VWF: variants seen among roughly 807,000 people sequenced by gnomAD.
VWF encodes the protein von Willebrand factor, also known as Factor VIII related antigen.
A neutral mutation model predicts 308.6 loss-of-function variants in VWF; 176 were observed. The ratio of observed to expected loss-of-function variants is 0.57; its 90% CI spans 0.50 to 0.65. The LOEUF is 0.65. Among genes scored for constraint, VWF ranks in the 30% least tolerant of loss-of-function variants. The pLI is 0.00. For missense variants in VWF, 3,146 were observed against 3,648.2 expected (o/e 0.86, Z 3.55); for synonymous variants, 1,385 against 1,443.4 (o/e 0.96, Z 0.92).
chr12:6,069,620 G>A lies in VWF; in HGVS notation c.1156+1677C>T, dbSNP rs145414800. 3.1e-3 allele frequency among the ~76,000 whole-genome samples: 476 copies of A among 152,318 alleles called. 1 individual carries two copies. The highest frequency in any genetic ancestry group is 6.4e-3 in the South Asian group (31 of 4,826). On this transcript the variant is annotated intron_variant, in intron 10 of 51. Coordinates refer to ENST00000261405, the MANE Select transcript of VWF (RefSeq NM_000552.5). ...TTGTGTGCGTGGGTGCAAATGGACCGGGAGGCGATGATCAACAAAACTCCC... is the reference window on the plus strand; with the variant it reads ...TTGTGTGCGTGGGTGCAAATGGACCAGGAGGCGATGATCAACAAAACTCCC...
At position 6,103,545 on chromosome 12, in the gene VWF, T is replaced by TACACAC. The variant is rs139889348; in HGVS notation, c.532+6823_532+6828dup. Among the ~76,000 whole-genome samples the TACACAC allele has an allele frequency of 2.7e-4, 33 of 124,202 alleles. 1 individual carries two copies. Among genetic ancestry groups the TACACAC allele is most frequent in the Admixed American group, 1.0e-3 (13 of 12,876 alleles). The allele number at this position is 124,202 out of a possible 152,430, so 81.5% of individuals were successfully genotyped here. On this transcript the variant is annotated intron_variant, in intron 5 of 51. Coordinates refer to ENST00000261405, the MANE Select transcript of VWF (RefSeq NM_000552.5). ...ATATGTGTATATACACATATATGTA[T>TACACAC]ACACACACACACACACACACACACA...
intron 49 of VWF, 122 bp downstream of exon 49, chr12:5,952,269 A>C: frequency 1.5e-6 from 2 of 1,365,114 alleles, no homozygotes; most frequent in South Asian, 2.4e-5. Context: ...TGATTCTTCA[A>C]CTAGGCCAGA....
At chr12:5,969,540 G>C (rs1943445982) in intron 44 of VWF, 149 bp from the exon 45 acceptor site, 1 of 883,966 alleles carries the variant, frequency 1.1e-6, no homozygotes, top group Non-Finnish European at 1.7e-6. Flanking sequence ...GGCCCACGGA[G>C]GGGATGAGTG....
chr12:5,976,653 G>A (rs990521850), intron 42 of VWF, among the ~76,000 whole-genome samples: 8 of 151,732 alleles, frequency 5.3e-5, no homozygotes, highest in Non-Finnish European at 8.8e-5. Flanking sequence ...CATCCTCATC[G>A]AGCCCTCTGC....
At chr12:6,005,864 G>A (rs1314676988) in intron 34 of VWF, among the ~76,000 whole-genome samples, 1 of 152,158 alleles carries the variant, frequency 6.6e-6, no homozygotes, top group Admixed American at 6.5e-5. Context: ...AAATGCTAAA[G>A]GGAGTCCATC....
intron 2 of VWF, among the ~76,000 whole-genome samples, chr12:6,121,708 A>C (rs1394095517): frequency 6.6e-6 from 1 of 152,198 alleles, no homozygotes; most frequent in East Asian, 1.9e-4. Flanking sequence ...AGGTGGGCAG[A>C]TCACCTGAGG....
chr12:6,113,193 C>T (rs1175081926), intron 3 of VWF, among the ~76,000 whole-genome samples: 1 of 151,952 alleles, frequency 6.6e-6, no homozygotes, highest in Non-Finnish European at 1.5e-5. Flanking sequence ...CCACCTAGAA[C>T]AGTTTTTACA....
At chr12:6,098,554 G>A (rs926102840) in intron 5 of VWF, among the ~76,000 whole-genome samples, 17 of 152,092 alleles carry the variant, frequency 1.1e-4, no homozygotes, top group Admixed American at 3.3e-4. Context: ...CGAGGCGGGC[G>A]GATCACGAGG....
intron 42 of VWF, among the ~76,000 whole-genome samples, chr12:5,977,825 G>A (rs749888525): frequency 2.0e-5 from 3 of 150,742 alleles, no homozygotes; most frequent in South Asian, 2.1e-4. Context: ...AGTTGAGGTC[G>A]CATAACTGCA....
chr12:5,993,630 T>C (rs1943768270), intron 37 of VWF, among the ~76,000 whole-genome samples: 1 of 129,324 alleles, frequency 7.7e-6, no homozygotes, highest in Non-Finnish European at 1.6e-5. Context: ...TATATACATA[T>C]ATATGTGTGT....
intron 6 of VWF, among the ~76,000 whole-genome samples, chr12:6,092,341 C>T (rs918426051): frequency 4.0e-5 from 6 of 151,220 alleles, no homozygotes; most frequent in South Asian, 2.1e-4. Flanking sequence ...TCCCTTTTTG[C>T]GGGTTTTTTT....
In VWF at chr12:5,996,323, C is replaced by T. The variant is rs572521438; in HGVS notation, c.5843-101G>A. The T allele has an allele frequency of 5.2e-5, 56 of 1,085,128 alleles. No homozygotes were observed. The African/African-American group carries it at 7.6e-4, about 15-fold the overall frequency. The allele number at this position is 1,085,128 out of a possible 1,614,324, so 67.2% of individuals were successfully genotyped here. On this transcript the variant is annotated intron_variant, in intron 34 of 51. Transcript: ENST00000261405. Reference sequence around the variant, plus strand: ...TGACCAAGTTGCACACAGATAAATACAGTAGAGAATGGAACAGGCCCTTTG... The same window carrying T: ...TGACCAAGTTGCACACAGATAAATATAGTAGAGAATGGAACAGGCCCTTTG...
intron 31 of VWF, among the ~76,000 whole-genome samples, chr12:6,015,616 C>G (rs1309253999): frequency 6.6e-6 from 1 of 151,958 alleles, no homozygotes; most frequent in Non-Finnish European, 1.5e-5. Flanking sequence ...CATCTGGATC[C>G]TTCCCTTTCC....
chr12:6,094,878 A>ATTT (rs1945088767), intron 6 of VWF, among the ~76,000 whole-genome samples: 1 of 73,930 alleles, frequency 1.4e-5, no homozygotes, highest in Non-Finnish European at 2.8e-5. Context: ...ATGCCCAGCT[A>ATTT]ATTTTTTTTT....
chr12:6,022,158 G>A, intron 26 of VWF, 123 bp from the exon 27 acceptor site: 1 of 1,342,850 alleles, frequency 7.4e-7, no homozygotes, highest in South Asian at 1.2e-5. Flanking sequence ...CCTCCTGCCT[G>A]CACTCCCAGG....
At chr12:6,052,857 C>T (rs942452588) in intron 15 of VWF, 74 bp from the exon 16 acceptor site, 2 of 1,552,018 alleles carry the variant, frequency 1.3e-6, no homozygotes, top group African/African-American at 2.7e-5. Flanking sequence ...GGACTTGCCA[C>T]CCCTTGTAGC....
rs572448240 is a variant in VWF at position 6,070,814 on chromosome 12, G to T, written c.1156+483C>A. On this transcript the variant is annotated intron_variant, in intron 10 of 51. Transcript: ENST00000261405. ...GATTTTCCAGGGCAGGGACAGGATG[G>T]GAGGAATCATTTGGTGACCTGGTTT... Among the ~76,000 whole-genome samples, 3 of 152,334 alleles carry T rather than the reference G, an allele frequency of 2.0e-5. No individual in the cohort carries two copies. The East Asian group carries it at 5.8e-4, about 29-fold the overall frequency.
intron 8 of VWF, 87 bp downstream of exon 8, chr12:6,073,532 C>T (rs1484247952): frequency 6.3e-7 from 1 of 1,589,226 alleles, no homozygotes; most frequent in African/African-American, 1.3e-5. Context: ...CAACGGGGAG[C>T]AAACACAAGT....
intron 5 of VWF, among the ~76,000 whole-genome samples, chr12:6,103,519 C>CAT (rs560296606): frequency 7.4e-6 from 1 of 134,778 alleles, no homozygotes; most frequent in East Asian, 2.1e-4. Flanking sequence ...TATATACACA[C>CAT]ATATGTGTAT....
Sources: gnomAD v4.1 joint callset for allele counts (sites outside exome capture counted in the v4.1 genomes callset) on GRCh38, gnomAD v4.1.1 for gene constraint, MANE v1.5 for transcripts, NCBI Gene and HGNC (gene_info 2026-07-23, HGNC 2026-07-21) for gene names.